The following CRYL1 variants were observed in gnomAD, a reference collection of about 807,000 sequenced individuals.
The protein encoded by CRYL1 is lambda-crystallin homolog.
A neutral mutation model predicts 36.6 loss-of-function variants in CRYL1; 29 were observed. The observed-to-expected ratio is 0.79, with a 90% confidence interval of 0.59 to 1.08. CRYL1 has a LOEUF of 1.08. Ranked by LOEUF, CRYL1 falls within the 50% of genes least tolerant of loss-of-function variation. The probability of loss-of-function intolerance (pLI) is 0.00; values close to 1 mark genes in which losing one functional copy is unlikely to be tolerated. For synonymous variants in CRYL1, 152 were observed against 151.5 expected (o/e 1.00, Z -0.02); for missense variants, 411 against 407.9 (o/e 1.01, Z -0.06).
chr13:20,501,466 G>C (rs1417959562), intron 2 of CRYL1, among the ~76,000 whole-genome samples: 2 of 152,176 alleles, frequency 1.3e-5, no homozygotes, highest in Non-Finnish European at 2.9e-5. Context: ...GAGGAATAAA[G>C]GGCATGGCTA....
intron 6 of CRYL1, among the ~76,000 whole-genome samples, chr13:20,408,478 A>G (rs1385673067): frequency 6.6e-6 from 1 of 152,200 alleles, no homozygotes; most frequent in Non-Finnish European, 1.5e-5. Context: ...AAACAGCCCC[A>G]GGGACAAGGC....
intron 5 of CRYL1, chr13:20,430,733 A>G (rs1170869784): frequency 2.0e-6 from 2 of 985,308 alleles, no homozygotes; most frequent in African/African-American, 1.7e-5. Context: ...GCGCTAAAAT[A>G]TCTTACAAAT....
intron 5 of CRYL1, among the ~76,000 whole-genome samples, chr13:20,423,792 A>T (rs2031871579): frequency 1.7e-5 from 2 of 115,852 alleles, no homozygotes; most frequent in Admixed American, 9.0e-5. Flanking sequence ...TTTTTTTGAG[A>T]CAGAGTCTTG....
chr13:20,488,099 T>A (rs918203719), intron 3 of CRYL1, among the ~76,000 whole-genome samples: 4 of 152,060 alleles, frequency 2.6e-5, no homozygotes, highest in African/African-American at 9.7e-5. Context: ...TGACTCTGTC[T>A]CAAAAAAATA....
At chr13:20,509,078 C>G (rs941880633) in intron 2 of CRYL1, among the ~76,000 whole-genome samples, 8 of 151,264 alleles carry the variant, frequency 5.3e-5, no homozygotes, top group African/African-American at 1.7e-4. Context: ...CCTGTAATCT[C>G]AGCTAATTGG....
chr13:20,502,814 G>T lies in CRYL1; in HGVS notation c.149+9629C>A, dbSNP rs140079050. On this transcript the variant is annotated intron_variant, in intron 2 of 7. Coordinates refer to ENST00000298248, the MANE Select transcript of CRYL1 (RefSeq NM_015974.3). ...GAGTATCAAGGCCCGGTTAAAAAAT[G>T]GGGTACTTTGGTTTCCTGTTCACCT... Among the ~76,000 whole-genome samples the T allele has an allele frequency of 2.6e-3, 389 of 152,270 alleles. 16 individuals are homozygous for T. In the East Asian group the frequency reaches 0.056, roughly 22 times the overall value.
intron 1 of CRYL1, among the ~76,000 whole-genome samples, chr13:20,520,138 A>C (rs1565992718): frequency 6.6e-6 from 1 of 152,234 alleles, no homozygotes; most frequent in Non-Finnish European, 1.5e-5. Context: ...CTGTTCTCTC[A>C]ACTTTAACAC....
At chr13:20,519,081 G>A (rs2034051018) in intron 1 of CRYL1, among the ~76,000 whole-genome samples, 1 of 152,134 alleles carries the variant, frequency 6.6e-6, no homozygotes, top group South Asian at 2.1e-4. Flanking sequence ...ATTAATTTGG[G>A]ATTTACTGTA....
intron 5 of CRYL1, 25 bp downstream of exon 5, chr13:20,432,077 A>C (rs2032074253): frequency 6.2e-7 from 1 of 1,613,914 alleles, no homozygotes; most frequent in Non-Finnish European, 8.5e-7. Flanking sequence ...GAAGGGAGGG[A>C]GGGAGAGAGG....
At chr13:20,437,230 T>C (rs1369733411) in intron 4 of CRYL1, among the ~76,000 whole-genome samples, 5 of 151,984 alleles carry the variant, frequency 3.3e-5, no homozygotes, top group Non-Finnish European at 2.9e-5. Context: ...GGTCCAAAGA[T>C]GGCTAACTTG....
chr13:20,407,381 C>A (rs1393501505), intron 6 of CRYL1, among the ~76,000 whole-genome samples: 2 of 152,034 alleles, frequency 1.3e-5, no homozygotes, highest in Non-Finnish European at 2.9e-5. Context: ...ACAACCATGT[C>A]CCAGTAAACT....
intron 2 of CRYL1, among the ~76,000 whole-genome samples, chr13:20,511,709 C>A (rs982043467): frequency 2.0e-5 from 3 of 152,224 alleles, no homozygotes; most frequent in Admixed American, 2.0e-4. Flanking sequence ...TCCGTGACGG[C>A]ACCGCAGGGG....
At chr13:20,495,411 T>C (rs2033587663) in intron 2 of CRYL1, among the ~76,000 whole-genome samples, 1 of 152,212 alleles carries the variant, frequency 6.6e-6, no homozygotes. Flanking sequence ...TTAACAATTC[T>C]CACGGTAGGA....
At chr13:20,458,081 A>G (rs2032727299) in intron 3 of CRYL1, among the ~76,000 whole-genome samples, 1 of 152,190 alleles carries the variant, frequency 6.6e-6, no homozygotes, top group Admixed American at 6.5e-5. Flanking sequence ...CACATCACCA[A>G]ATAGGTCAAG....
chr13:20,449,490 T>C (rs1424516713), intron 3 of CRYL1, among the ~76,000 whole-genome samples: 21 of 151,944 alleles, frequency 1.4e-4, no homozygotes, highest in Non-Finnish European at 3.1e-4. Context: ...AAAGAGCAGA[T>C]GGAACAAATA....
chr13:20,441,275 G>A (rs2032346378), intron 3 of CRYL1, among the ~76,000 whole-genome samples: 1 of 152,202 alleles, frequency 6.6e-6, no homozygotes, highest in Non-Finnish European at 1.5e-5. Context: ...TTCCATCCCG[G>A]ACCTGCTGAA....
At chr13:20,407,581 C>G (rs1208268169) in intron 6 of CRYL1, among the ~76,000 whole-genome samples, 1 of 152,144 alleles carries the variant, frequency 6.6e-6, no homozygotes, top group Non-Finnish European at 1.5e-5. Flanking sequence ...CCTGGTCTGC[C>G]CTTCCCCACT....
intron 3 of CRYL1, 60 bp from the exon 4 acceptor site, chr13:20,439,814 C>T: frequency 6.7e-7 from 1 of 1,492,236 alleles, no homozygotes; most frequent in South Asian, 1.2e-5. Flanking sequence ...CCAAGCAAAG[C>T]ATTTCATGTT....
intron 3 of CRYL1, among the ~76,000 whole-genome samples, chr13:20,470,369 C>T (rs758448464): frequency 2.4e-4 from 36 of 152,300 alleles, no homozygotes; most frequent in Non-Finnish European, 2.2e-4. Flanking sequence ...CCAAGCTCTC[C>T]GGGCTGCCAG....
Sources: gnomAD v4.1 joint callset for allele counts (sites outside exome capture counted in the v4.1 genomes callset) on GRCh38, gnomAD v4.1.1 for gene constraint, MANE v1.5 for transcripts, NCBI Gene and HGNC (gene_info 2026-07-23, HGNC 2026-07-21) for gene names.